NAALADL2: variants seen among roughly 807,000 people sequenced by gnomAD.
NAALADL2 encodes the protein inactive N-acetylated-alpha-linked acidic dipeptidase-like protein 2.
NAALADL2 carries 76 observed loss-of-function variants against 87.2 expected under a neutral mutation model. That is an observed-to-expected ratio of 0.87 (90% confidence interval 0.72 to 1.05). The LOEUF (loss-of-function observed/expected upper bound fraction) is 1.05, where lower values mean the gene tolerates loss of function less well. NAALADL2 is among the 50% of genes least tolerant of loss of function. The probability of loss-of-function intolerance (pLI) is 0.00; values close to 1 mark genes in which losing one functional copy is unlikely to be tolerated. For synonymous variants in NAALADL2, 354 were observed against 331.0 expected (o/e 1.07, Z -0.75); for missense variants, 1,089 against 945.8 (o/e 1.15, Z -1.99).
chr3:175,031,678 C>CT (rs2108915344), intron 1 of NAALADL2, among the ~76,000 whole-genome samples: 1 of 152,104 alleles, frequency 6.6e-6, no homozygotes, highest in African/African-American at 2.4e-5. Context: ...GTATTTAGTT[C>CT]TTTGAGAAGT....
chr3:175,590,214 ATATATATATATATATAT>A (rs1721205106), intron 10 of NAALADL2, among the ~76,000 whole-genome samples: 3 of 146,984 alleles, frequency 2.0e-5, no homozygotes, highest in African/African-American at 7.6e-5. Flanking sequence ...TCCGTCTAAT[ATATATATATATATATAT>A]ATATATATAT....
rs547489462 is a variant in NAALADL2, at chr3:174,860,306, C to T, written c.43+856C>T. ...TCTACATAGCCTGCTTAAGAATCCC[C>T]GTATCTTTTTTTATCTCTGTATATT... On this transcript the variant is annotated intron_variant, in intron 1 of 13. Transcript: ENST00000454872. Among the ~76,000 whole-genome samples, 542 of 151,938 alleles carry T rather than the reference C, an allele frequency of 3.6e-3. 4 individuals carry two copies. Among genetic ancestry groups the T allele is most frequent in the Middle Eastern group, 0.02 (6 of 294 alleles).
chr3:175,578,554 T>A (rs1217059057), intron 10 of NAALADL2, among the ~76,000 whole-genome samples: 1 of 152,218 alleles, frequency 6.6e-6, no homozygotes, highest in Non-Finnish European at 1.5e-5. Context: ...ATTTAAAACA[T>A]CACTATAAAT....
At chr3:174,938,399 C>T (rs781261389) in intron 1 of NAALADL2, among the ~76,000 whole-genome samples, 1 of 152,046 alleles carries the variant, frequency 6.6e-6, no homozygotes, top group Non-Finnish European at 1.5e-5. Context: ...TATAAATGTA[C>T]CACATTTTCT....
chr3:175,472,206 T>C (rs1260997286), intron 9 of NAALADL2, among the ~76,000 whole-genome samples: 1 of 151,948 alleles, frequency 6.6e-6, no homozygotes, highest in Non-Finnish European at 1.5e-5. Context: ...GATAACTAAA[T>C]TTAAAAGATT....
intron 1 of NAALADL2, among the ~76,000 whole-genome samples, chr3:175,050,937 A>C (rs1755305123): frequency 6.6e-6 from 1 of 152,230 alleles, no homozygotes; most frequent in Admixed American, 6.5e-5. Context: ...AGAATAAAAA[A>C]AATAATAGAG....
chr3:174,460,661 A>G (rs964016420), intron 1 of NAALADL2, among the ~76,000 whole-genome samples: 2 of 152,006 alleles, frequency 1.3e-5, no homozygotes, highest in African/African-American at 4.8e-5. Context: ...CATATAGAGA[A>G]CAGCTTAAGT....
intron 1 of NAALADL2, among the ~76,000 whole-genome samples, chr3:175,052,389 C>A (rs144087467): frequency 1.3e-5 from 2 of 152,278 alleles, no homozygotes; most frequent in South Asian, 4.1e-4. Flanking sequence ...GTGGGGGGGC[C>A]TGTTTCCCAA....
At chr3:175,228,646 T>C (rs529080165) in intron 2 of NAALADL2, among the ~76,000 whole-genome samples, 1 of 152,066 alleles carries the variant, frequency 6.6e-6, no homozygotes, top group South Asian at 2.1e-4. Flanking sequence ...TAAATTAAAA[T>C]CATTAAATCA....
intron 1 of NAALADL2, among the ~76,000 whole-genome samples, chr3:174,521,503 C>T (rs115656709): frequency 0.06 from 8,547 of 141,958 alleles, 347 homozygotes; most frequent in South Asian, 0.12. Context: ...GCCTGGGAGA[C>T]CGAGGTTGCA....
At chr3:175,343,509 T>C (rs1762777911) in intron 5 of NAALADL2, among the ~76,000 whole-genome samples, 1 of 152,032 alleles carries the variant, frequency 6.6e-6, no homozygotes, top group South Asian at 2.1e-4. Flanking sequence ...GATTAAATTA[T>C]GGAAATTAAG....
intron 5 of NAALADL2, among the ~76,000 whole-genome samples, chr3:175,360,387 T>C (rs1046913239): frequency 1.4e-4 from 21 of 152,190 alleles, no homozygotes; most frequent in African/African-American, 4.8e-4. Flanking sequence ...GCTGAAGATA[T>C]TGAAGCATGT....
intron 2 of NAALADL2, among the ~76,000 whole-genome samples, chr3:175,162,650 C>T (rs908275180): frequency 6.6e-6 from 1 of 152,062 alleles, no homozygotes; most frequent in Non-Finnish European, 1.5e-5. Flanking sequence ...TTGCCAGGAA[C>T]CAGCACTCAT....
chr3:174,767,667 T>C (rs1260043786), intron 3 of NAALADL2, among the ~76,000 whole-genome samples: 1 of 152,220 alleles, frequency 6.6e-6, no homozygotes, highest in Non-Finnish European at 1.5e-5. Flanking sequence ...GTGCCTGATA[T>C]TGGGACATGT....
chr3:174,851,723 ACT>A (rs1487186866), intron 3 of NAALADL2, among the ~76,000 whole-genome samples: 2 of 152,074 alleles, frequency 1.3e-5, no homozygotes, highest in Non-Finnish European at 2.9e-5. Flanking sequence ...ATAATTTCAA[ACT>A]CTTTCTACAA....
chr3:175,466,921 A>T, intron 7 of NAALADL2, 58 bp from the exon 8 acceptor site: 1 of 1,329,294 alleles, frequency 7.5e-7, no homozygotes, highest in Non-Finnish European at 1.1e-6. Flanking sequence ...AAATGTCATT[A>T]AATTTATTGT....
chr3:174,934,731 AAAC>A (rs201847790), intron 1 of NAALADL2, among the ~76,000 whole-genome samples: 3,123 of 152,126 alleles, frequency 0.021, 97 homozygotes, highest in African/African-American at 0.071. Context: ...AATAGTGCTC[AAAC>A]AACAACAACA....
chr3:175,126,914 T>C (rs1727057297), intron 2 of NAALADL2, among the ~76,000 whole-genome samples: 1 of 151,792 alleles, frequency 6.6e-6, no homozygotes, highest in South Asian at 2.1e-4. Flanking sequence ...ATGTGAGTTG[T>C]TGGTCTTATT....
At position 175,628,609 on chromosome 3, in the gene NAALADL2, C is replaced by CTATGTATATA. The variant is rs10663163; in HGVS notation, c.1896+1224_1896+1225insATGTATATAT. Among the ~76,000 whole-genome samples the CTATGTATATA allele has an allele frequency of 2.6e-4, 35 of 132,236 alleles. No individual in the cohort carries two copies. In the East Asian group the frequency reaches 3.2e-3, roughly 12 times the overall value. 86.8% of individuals were successfully genotyped at this position (132,236 alleles called of 152,430 possible). A position where few individuals can be genotyped will look rare whatever the true frequency, so the allele number is the denominator to read the frequency against. Reference sequence around the variant, plus strand: ...TTTTAGTACCATTAAAATAATCTCTCTCTCTATGTATATATATATATATAT... The same window carrying CTATGTATATA: ...TTTTAGTACCATTAAAATAATCTCTCTATGTATATATCTCTATGTATATATATATATATAT... On this transcript the variant is annotated intron_variant, in intron 11 of 13. Transcript: ENST00000454872.
Sources: gnomAD v4.1 joint callset for allele counts (sites outside exome capture counted in the v4.1 genomes callset) on GRCh38, gnomAD v4.1.1 for gene constraint, MANE v1.5 for transcripts, NCBI Gene and HGNC (gene_info 2026-07-23, HGNC 2026-07-21) for gene names.